Variants in DYNC1I1 observed in about 807,000 individuals in gnomAD.
DYNC1I1 encodes dynein cytoplasmic 1 intermediate chain 1, also known as cytoplasmic dynein 1 intermediate chain 1.
DYNC1I1 carries 43 observed loss-of-function variants against 86.6 expected under a neutral mutation model. The ratio of observed to expected loss-of-function variants is 0.50; its 90% CI spans 0.39 to 0.64. The LOEUF is 0.64. DYNC1I1 is among the 30% of genes least tolerant of loss of function. DYNC1I1 has a pLI of 0.00. For missense variants in DYNC1I1, 604 were observed against 788.8 expected, an observed-to-expected ratio of 0.77 and a Z score of 2.81; for synonymous variants, 262 against 283.7, an observed-to-expected ratio of 0.92 and a Z score of 0.77.
intron 1 of DYNC1I1, chr7:95,802,791 A>G (rs1471973661): frequency 2.0e-5 from 3 of 152,326 alleles, no homozygotes; most frequent in Middle Eastern, 3.4e-3. Context: ...CACTGGGGTT[A>G]CAGGTATGAA....
At chr7:95,806,822 C>A (rs944824263) in intron 2 of DYNC1I1, among the ~76,000 whole-genome samples, 2 of 152,158 alleles carry the variant, frequency 1.3e-5, no homozygotes, top group African/African-American at 4.8e-5. Context: ...TCTGTCCATG[C>A]ACTCTCTGCA....
chr7:95,968,824 CTGTGTGTGTGTG>C (rs56022930), intron 6 of DYNC1I1, among the ~76,000 whole-genome samples: 90 of 94,408 alleles, frequency 9.5e-4, no homozygotes, highest in Middle Eastern at 5.2e-3. Context: ...ATTTTTTGCT[CTGTGTGTGTGTG>C]TGTGTGTGTG....
chr7:95,991,162 GC>G (rs1304434847), intron 9 of DYNC1I1, among the ~76,000 whole-genome samples: 1 of 152,216 alleles, frequency 6.6e-6, no homozygotes, highest in Non-Finnish European at 1.5e-5. Context: ...ATCATTAGTT[GC>G]AAAGTGTGAC....
At chr7:96,028,443 T>C in intron 11 of DYNC1I1, 122 bp downstream of exon 11, 1 of 1,319,380 alleles carries the variant, frequency 7.6e-7, no homozygotes, top group South Asian at 1.7e-5. Flanking sequence ...TTTATTATGA[T>C]TGAATCCTGA....
intron 1 of DYNC1I1, among the ~76,000 whole-genome samples, chr7:95,801,698 C>T (rs1390744106): frequency 6.6e-6 from 1 of 152,084 alleles, no homozygotes; most frequent in Non-Finnish European, 1.5e-5. Flanking sequence ...AAAAAATTTC[C>T]AGCACACTAG....
chr7:96,014,131 C>G (rs540038084), intron 10 of DYNC1I1, among the ~76,000 whole-genome samples: 1 of 152,272 alleles, frequency 6.6e-6, no homozygotes, highest in East Asian at 1.9e-4. Flanking sequence ...GAGGACTCAT[C>G]TATAGAACAG....
chr7:96,098,880 G>C (rs188527100), downstream of DYNC1I1, among the ~76,000 whole-genome samples: 184 of 152,286 alleles, frequency 1.2e-3, no homozygotes, highest in African/African-American at 4.2e-3. Context: ...AACATTCGAA[G>C]ACAGGCTTTC....
chr7:95,919,678 A>G (rs1791561629), intron 6 of DYNC1I1, among the ~76,000 whole-genome samples: 1 of 152,198 alleles, frequency 6.6e-6, no homozygotes, highest in South Asian at 2.1e-4. Context: ...TGTTTTTGAT[A>G]TTTAAAACAG....
At chr7:95,903,398 T>TC (rs1379100612) in intron 6 of DYNC1I1, among the ~76,000 whole-genome samples, 1 of 152,112 alleles carries the variant, frequency 6.6e-6, no homozygotes, top group Non-Finnish European at 1.5e-5. Context: ...CTTTTCTACC[T>TC]CCAACAGGGA....
At chr7:96,021,426 G>A (rs1348174245) in intron 10 of DYNC1I1, among the ~76,000 whole-genome samples, 4 of 152,020 alleles carry the variant, frequency 2.6e-5, no homozygotes, top group African/African-American at 7.2e-5. Context: ...AGTGATCCAC[G>A]GGGTCCAGAC....
intron 10 of DYNC1I1, among the ~76,000 whole-genome samples, chr7:96,003,225 C>T (rs551615778): frequency 2.8e-4 from 43 of 152,286 alleles, no homozygotes; most frequent in African/African-American, 9.1e-4. Context: ...TTGCCACTTG[C>T]GAGGTACAGA....
chr7:95,865,864 A>G lies in DYNC1I1; in HGVS notation c.375-4019A>G, dbSNP rs2116146371. ...TATTTGCACAATGACAAAGTTGCCT[A>G]ACATGCAATTCTCAGAAGGTGTGCC... On this transcript the variant is annotated intron_variant, in intron 5 of 16. Transcript: ENST00000447467. 2.0e-5 allele frequency among the ~76,000 whole-genome samples: 3 copies of G among 152,312 alleles called. No homozygotes were observed. The South Asian group carries it at 6.2e-4, about 32-fold the overall frequency.
chr7:95,926,809 A>C (rs1444394848), intron 6 of DYNC1I1, among the ~76,000 whole-genome samples: 1 of 152,140 alleles, frequency 6.6e-6, no homozygotes, highest in Non-Finnish European at 1.5e-5. Flanking sequence ...GTTCTTTTAT[A>C]ATCATAATGA....
intron 15 of DYNC1I1, 54 bp downstream of exon 15, chr7:96,076,251 G>C: frequency 6.3e-7 from 1 of 1,597,426 alleles, no homozygotes; most frequent in Non-Finnish European, 8.5e-7. Flanking sequence ...GGCGCAGTCG[G>C]CCACTCGCAG....
chr7:95,958,422 C>G (rs1792775622), intron 6 of DYNC1I1, among the ~76,000 whole-genome samples: 3 of 152,102 alleles, frequency 2.0e-5, no homozygotes, highest in Admixed American at 2.0e-4. Context: ...GAGACTCTGT[C>G]TCTACAAATG....
intron 16 of DYNC1I1, among the ~76,000 whole-genome samples, chr7:96,083,105 A>G (rs986118459): frequency 2.0e-5 from 3 of 152,128 alleles, no homozygotes; most frequent in Admixed American, 2.0e-4. Flanking sequence ...AAAAGAAAGG[A>G]TATACTATTT....
At chr7:95,936,956 T>TCTCATACACACACACA (rs750834189) in intron 6 of DYNC1I1, among the ~76,000 whole-genome samples, 1 of 134,190 alleles carries the variant, frequency 7.5e-6, no homozygotes, top group Admixed American at 7.6e-5. Context: ...AGAATATGTC[T>TCTCATACACACACACA]CACACACACA....
At position 96,040,677 on chromosome 7, in the gene DYNC1I1, C is replaced by A. The variant is rs564429668; in HGVS notation, c.1509+1256C>A. Among the ~76,000 whole-genome samples the A allele has an allele frequency of 1.2e-4, 18 of 151,260 alleles. No individual in the cohort carries two copies. The East Asian group carries it at 3.5e-3, about 29-fold the overall frequency. On this transcript the variant is annotated intron_variant, in intron 14 of 16. Coordinates refer to ENST00000447467, the MANE Select transcript of DYNC1I1 (RefSeq NM_001135556.2). Reference sequence around the variant, plus strand: ...AGAAGAGAGAGCCCTCCAAACAGAACGTATGCACTAGAATAGCAGTGATCT... The same window carrying A: ...AGAAGAGAGAGCCCTCCAAACAGAAAGTATGCACTAGAATAGCAGTGATCT...
intron 6 of DYNC1I1, among the ~76,000 whole-genome samples, chr7:95,905,754 A>T (rs1234146523): frequency 6.6e-6 from 1 of 151,466 alleles, no homozygotes; most frequent in Non-Finnish European, 1.5e-5. Context: ...CTGTGAGCAG[A>T]TTAAAATTTT....
Sources: allele counts gnomAD v4.1 joint callset (sites outside exome capture counted in the v4.1 genomes callset), GRCh38; gene constraint gnomAD v4.1.1; transcripts MANE v1.5; gene names NCBI Gene and HGNC (gene_info 2026-07-23, HGNC 2026-07-21).